CCDC171: variants seen among roughly 807,000 people sequenced by gnomAD.
CCDC171 encodes the protein coiled-coil domain containing 171, also known as coiled-coil domain-containing protein 171.
CCDC171 carries 177 observed loss-of-function variants against 168.2 expected under a neutral mutation model. That is an observed-to-expected ratio of 1.05 (90% CI 0.93 to 1.19). The LOEUF is 1.19. Ranked by LOEUF, CCDC171 falls within the 50% of genes most tolerant of loss-of-function variation. The probability of loss-of-function intolerance (pLI) is 0.00; values close to 1 mark genes in which losing one functional copy is unlikely to be tolerated. For synonymous variants in CCDC171, 687 were observed against 540.8 expected, an observed-to-expected ratio of 1.27 and a Z score of -3.75; for missense variants, 1,991 against 1,539.0, an observed-to-expected ratio of 1.29 and a Z score of -4.91.
chr9:15,910,418 T>C (rs773832371), intron 24 of CCDC171, among the ~76,000 whole-genome samples: 4 of 152,216 alleles, frequency 2.6e-5, no homozygotes, highest in African/African-American at 4.8e-5. Context: ...TCTGTTCCAT[T>C]GATCTGTATG....
At chr9:15,726,192 A>G (rs747095485) in intron 14 of CCDC171, among the ~76,000 whole-genome samples, 10 of 152,202 alleles carry the variant, frequency 6.6e-5, no homozygotes, top group Non-Finnish European at 1.3e-4. Flanking sequence ...TACACATCAG[A>G]TAATGATTAA....
intron 3 of CCDC171, among the ~76,000 whole-genome samples, chr9:15,985,614 T>A (rs1831961012): frequency 6.6e-6 from 1 of 152,202 alleles, no homozygotes; most frequent in Non-Finnish European, 1.5e-5. Flanking sequence ...GAATGGCAGA[T>A]TCTTCAACTT....
rs139145383 is a variant in CCDC171 at position 15,585,327 on chromosome 9, T to G, written c.353-6039T>G. Among the ~76,000 whole-genome samples, 241 of 152,210 alleles carry G rather than the reference T, an allele frequency of 1.6e-3. 1 individual carries two copies. Among genetic ancestry groups the G allele is most frequent in the African/African-American group, 5.0e-3 (209 of 41,544 alleles). On this transcript the variant is annotated intron_variant, in intron 4 of 25. Transcript: ENST00000380701. ...CAACTCCATTCATGGTGGTCCAAAG[T>G]TGGGGAAAAAGACATTCATTAACAA...
chr9:15,992,034 A>G (rs184132095), intron 3 of CCDC171, among the ~76,000 whole-genome samples: 1 of 152,338 alleles, frequency 6.6e-6, no homozygotes, highest in Non-Finnish European at 1.5e-5. Context: ...TTCTGAAACT[A>G]TTTCAATCAG....
chr9:15,771,214 A>G (rs1173216305), intron 18 of CCDC171, among the ~76,000 whole-genome samples: 1 of 152,144 alleles, frequency 6.6e-6, no homozygotes, highest in Non-Finnish European at 1.5e-5. Flanking sequence ...ATACTTGTGC[A>G]GTTATTTCTT....
At chr9:16,064,652 C>T (rs866536205), downstream of CCDC171, among the ~76,000 whole-genome samples, 1 of 152,280 alleles carries the variant, frequency 6.6e-6, no homozygotes, top group Admixed American at 6.5e-5. Flanking sequence ...GGCATGGCAA[C>T]TGGCAAAGAA....
chr9:15,632,894 C>T (rs999325831), intron 7 of CCDC171, among the ~76,000 whole-genome samples: 1 of 152,156 alleles, frequency 6.6e-6, no homozygotes, highest in East Asian at 1.9e-4. Flanking sequence ...TGATCTTTGA[C>T]AAACCTGAGA....
In CCDC171 at chr9:15,636,565, A is replaced by G. The variant is rs543826308; in HGVS notation, c.822+13152A>G. On this transcript the variant is annotated intron_variant, in intron 7 of 25. Transcript: ENST00000380701. Reference sequence around the variant, plus strand: ...GGAGTTCAAGACCAGCCTTGGCAACATGGTGAAATATCATCCCTACAAAAA... The same window carrying G: ...GGAGTTCAAGACCAGCCTTGGCAACGTGGTGAAATATCATCCCTACAAAAA... 9.2e-5 allele frequency among the ~76,000 whole-genome samples: 14 copies of G among 151,966 alleles called. No individual in the cohort carries two copies. The South Asian group carries it at 2.1e-3, about 23-fold the overall frequency.
chr9:15,723,091 G>T (rs1238287472), intron 12 of CCDC171, among the ~76,000 whole-genome samples: 1 of 152,268 alleles, frequency 6.6e-6, no homozygotes, highest in Non-Finnish European at 1.5e-5. Flanking sequence ...GGAGACCAAG[G>T]GGGTGGCTGC....
At chr9:15,978,073 A>T (rs114590625), downstream of CCDC171, among the ~76,000 whole-genome samples, 3,776 of 152,238 alleles carry the variant, frequency 0.025, 136 homozygotes, top group African/African-American at 0.084. Flanking sequence ...GTGCACATGG[A>T]AAGCTTTGGA....
intron 18 of CCDC171, among the ~76,000 whole-genome samples, chr9:15,772,864 G>C (rs983233558): frequency 6.6e-5 from 10 of 152,130 alleles, no homozygotes; most frequent in African/African-American, 2.4e-4. Context: ...GAAATACTAA[G>C]AACAAGAAAT....
At position 15,578,931 on chromosome 9, in the gene CCDC171, A is replaced by G. The variant is rs763638459; in HGVS notation, c.260A>G (p.Asp87Gly). 6.2e-7 allele frequency: 1 copy of G among 1,613,714 alleles called. No homozygotes were observed. The highest frequency in any genetic ancestry group is 8.5e-7 in the Non-Finnish European group (1 of 1,179,638). ...GEALRQSLEY[D>G]LAVARKEAGL... is the part of the protein sequence containing the mutation. ...GCATTGCGACAAAGTCTGGAATATG[A>G]CCTAGCTGTTGCTAGAAAGGAAGCT... The change falls in exon 4 of 26, where the codon GAC (aspartate) becomes GGC (glycine). Residue 87 changes from aspartate (D) to glycine (G), a missense_variant. By Grantham distance (94) the Asp-to-Gly change is moderately conservative. Transcript: ENST00000380701.
chr9:15,777,233 G>A (rs1209564552), intron 18 of CCDC171, among the ~76,000 whole-genome samples: 1 of 152,158 alleles, frequency 6.6e-6, no homozygotes, highest in African/African-American at 2.4e-5. Context: ...ATATTTTCTT[G>A]TCTGAGAATA....
chr9:16,085,154 C>T, the CCDC171 span, among the ~76,000 whole-genome samples: 1 of 152,242 alleles, frequency 6.6e-6, no homozygotes, highest in African/African-American at 2.4e-5. Flanking sequence ...GGAGGTAGCT[C>T]ATGTGCCCCT....
chr9:16,068,308 G>A, the CCDC171 span, among the ~76,000 whole-genome samples: 8 of 151,766 alleles, frequency 5.3e-5, no homozygotes, highest in Non-Finnish European at 1.0e-4. Flanking sequence ...AAATAAAAGA[G>A]GATACAAACA....
chr9:15,990,202 G>T (rs1233196386), intron 3 of CCDC171, among the ~76,000 whole-genome samples: 2 of 152,082 alleles, frequency 1.3e-5, no homozygotes, highest in Admixed American at 1.3e-4. Flanking sequence ...CCCACAAAGG[G>T]AAGCCCATCA....
chr9:15,697,777 G>C (rs2051327188), intron 11 of CCDC171, among the ~76,000 whole-genome samples: 1 of 152,172 alleles, frequency 6.6e-6, no homozygotes, highest in African/African-American at 2.4e-5. Context: ...GTCTTGCCTT[G>C]ATGTTGATGG....
chr9:15,609,729 C>G (rs1413175856), intron 6 of CCDC171, among the ~76,000 whole-genome samples: 2 of 152,072 alleles, frequency 1.3e-5, no homozygotes, highest in African/African-American at 2.4e-5. Context: ...ATTCATTATA[C>G]CTTTAGAATA....
chr9:15,650,934 G>A (rs948431833), intron 7 of CCDC171, among the ~76,000 whole-genome samples: 2 of 151,798 alleles, frequency 1.3e-5, no homozygotes, highest in African/African-American at 2.4e-5. Flanking sequence ...ACCCTACTCT[G>A]CTATCTAACT....
Sources: allele counts gnomAD v4.1 joint callset (sites outside exome capture counted in the v4.1 genomes callset), GRCh38; gene constraint gnomAD v4.1.1; transcripts MANE v1.5; gene names NCBI Gene and HGNC (gene_info 2026-07-23, HGNC 2026-07-21).